The following DTNA variants were observed in gnomAD, a reference collection of about 807,000 sequenced individuals.
The protein encoded by DTNA is dystrophin-related protein 3.
Under a neutral mutation model 100.7 loss-of-function variants are expected in DTNA, and 43 were observed. That is an observed-to-expected ratio of 0.43 (90% CI 0.33 to 0.55). The LOEUF (loss-of-function observed/expected upper bound fraction) is 0.55, where lower values mean the gene tolerates loss of function less well. Among genes scored for constraint, DTNA ranks in the 20% least tolerant of loss-of-function variants. The probability of loss-of-function intolerance (pLI) is 0.04; values close to 1 mark genes in which losing one functional copy is unlikely to be tolerated. For missense variants in DTNA, 798 were observed against 953.9 expected, an observed-to-expected ratio of 0.84 and a Z score of 2.15; for synonymous variants, 349 against 347.9, an observed-to-expected ratio of 1.00 and a Z score of -0.04.
At chr18:34,721,505 T>G (rs2085307267) in intron 1 of DTNA, among the ~76,000 whole-genome samples, 2 of 151,966 alleles carry the variant, frequency 1.3e-5, no homozygotes, top group Non-Finnish European at 2.9e-5. Context: ...GGGAAACTAA[T>G]GAAAAAAAAC....
At chr18:34,677,578 A>G (rs1171844378) in intron 1 of DTNA, among the ~76,000 whole-genome samples, 2 of 152,150 alleles carry the variant, frequency 1.3e-5, no homozygotes, top group Non-Finnish European at 2.9e-5. Context: ...TGCGATTTTC[A>G]TTTATTTCCA....
chr18:34,789,160 C>G (rs2094612460), intron 3 of DTNA, among the ~76,000 whole-genome samples: 1 of 152,156 alleles, frequency 6.6e-6, no homozygotes, highest in Non-Finnish European at 1.5e-5. Context: ...TTCCACTATG[C>G]CACCACTGGA....
chr18:34,682,026 A>C (rs979605119), intron 1 of DTNA, among the ~76,000 whole-genome samples: 8 of 151,972 alleles, frequency 5.3e-5, no homozygotes, highest in Non-Finnish European at 1.2e-4. Flanking sequence ...CTTTTCTGAG[A>C]TGTCATATAG....
chr18:34,767,634 C>T (rs1007757250), intron 3 of DTNA: 1 of 152,166 alleles, frequency 6.6e-6, no homozygotes, highest in Non-Finnish European at 1.5e-5. Context: ...CAAGATGGTG[C>T]AGGGCACACA....
chr18:34,696,898 G>A (rs1018626384), intron 1 of DTNA, among the ~76,000 whole-genome samples: 6 of 152,164 alleles, frequency 3.9e-5, no homozygotes, highest in Admixed American at 2.6e-4. Flanking sequence ...CTCTAAAGCA[G>A]TGGTTCTCAA....
chr18:34,858,890 C>T (rs753754460), intron 16 of DTNA, among the ~76,000 whole-genome samples: 6 of 152,208 alleles, frequency 3.9e-5, no homozygotes, highest in Admixed American at 2.6e-4. Flanking sequence ...AGATTACAGG[C>T]GTGCGCCACC....
At chr18:34,695,460 C>T (rs563219505) in intron 1 of DTNA, among the ~76,000 whole-genome samples, 56 of 152,316 alleles carry the variant, frequency 3.7e-4, no homozygotes, top group African/African-American at 1.3e-3. Context: ...GTAACATACA[C>T]AGCCTTAATA....
intron 1 of DTNA, among the ~76,000 whole-genome samples, chr18:34,631,747 T>A (rs544818428): frequency 6.6e-6 from 1 of 152,320 alleles, no homozygotes; most frequent in African/African-American, 2.4e-5. Context: ...GAAATTGAGC[T>A]ACAAAGAGTC....
chr18:34,761,678 C>A (rs572627762), intron 2 of DTNA, among the ~76,000 whole-genome samples: 1 of 152,264 alleles, frequency 6.6e-6, no homozygotes, highest in South Asian at 2.1e-4. Context: ...CTTGAGGAGA[C>A]GGTGCAAGAG....
chr18:34,678,813 T>TA (rs1432209930), intron 1 of DTNA, among the ~76,000 whole-genome samples: 1 of 152,160 alleles, frequency 6.6e-6, no homozygotes, highest in Non-Finnish European at 1.5e-5. Flanking sequence ...CAAAAGCTTA[T>TA]AAAACCATTC....
chr18:34,617,946 C>T (rs1029647130), intron 1 of DTNA, among the ~76,000 whole-genome samples: 1 of 152,128 alleles, frequency 6.6e-6, no homozygotes, highest in Non-Finnish European at 1.5e-5. Flanking sequence ...CCTGTATGCA[C>T]ATTTTTAGAG....
At chr18:34,591,870 T>A (rs2049767120) in intron 1 of DTNA, among the ~76,000 whole-genome samples, 1 of 152,180 alleles carries the variant, frequency 6.6e-6, no homozygotes, top group South Asian at 2.1e-4. Context: ...CATCAAAATA[T>A]CACTAAAATA....
chr18:34,870,466 G>A (rs2096754234), intron 17 of DTNA, among the ~76,000 whole-genome samples: 1 of 152,096 alleles, frequency 6.6e-6, no homozygotes, highest in Non-Finnish European at 1.5e-5. Flanking sequence ...ATTCACCTCA[G>A]AAATGATCAA....
chr18:34,779,674 C>G (rs1007623800), intron 3 of DTNA, among the ~76,000 whole-genome samples: 79 of 152,276 alleles, frequency 5.2e-4, no homozygotes, highest in African/African-American at 1.7e-3. Context: ...GCCCCCTCCC[C>G]CAATAATAAC....
At chr18:34,507,891 TTTATGCTTTCAGTGATCCTTGACTGG>T (rs1180423355) in intron 1 of DTNA, among the ~76,000 whole-genome samples, 1 of 152,166 alleles carries the variant, frequency 6.6e-6, no homozygotes, top group Admixed American at 6.5e-5. Flanking sequence ...ATATGCTAAA[TTTATGCTTTCAGTGATCCTTGACTGG>T]GTTTTTGGAA....
intron 1 of DTNA, among the ~76,000 whole-genome samples, chr18:34,692,929 T>C (rs2079984307): frequency 6.6e-6 from 1 of 152,194 alleles, no homozygotes; most frequent in Non-Finnish European, 1.5e-5. Context: ...ACGAATTTCT[T>C]TAGAATGCAA....
chr18:34,535,351 A>G (rs2043592453), intron 1 of DTNA, among the ~76,000 whole-genome samples: 1 of 151,744 alleles, frequency 6.6e-6, no homozygotes, highest in South Asian at 2.1e-4. Flanking sequence ...TTTTCTTGTA[A>G]ATTTGTTTAA....
chr18:34,667,312 T>G (rs950169911), intron 1 of DTNA, among the ~76,000 whole-genome samples: 3 of 152,124 alleles, frequency 2.0e-5, no homozygotes, highest in Non-Finnish European at 2.9e-5. Flanking sequence ...ATCAGCTTAA[T>G]GAGATTTGGG....
chr18:34,733,250 G>A lies in DTNA; in HGVS notation c.-1-22726G>A, dbSNP rs111517770. Among the ~76,000 whole-genome samples the A allele has an allele frequency of 3.1e-3, 465 of 152,284 alleles. 4 individuals carry two copies. Among genetic ancestry groups the A allele is most frequent in the South Asian group, 0.021 (100 of 4,820 alleles). ...CGAAGGCTTCTGGGTCTGCAAACTG[G>A]CTCAAGTCTGGAAATTGATTGAGGG... is the stretch of plus-strand genomic sequence containing the variant. On this transcript the variant is annotated intron_variant, in intron 1 of 22. Transcript: ENST00000444659.
Sources: gnomAD v4.1 joint callset for allele counts (sites outside exome capture counted in the v4.1 genomes callset) on GRCh38, gnomAD v4.1.1 for gene constraint, MANE v1.5 for transcripts, NCBI Gene and HGNC (gene_info 2026-07-23, HGNC 2026-07-21) for gene names.